Variants in KIF14 observed in about 807,000 individuals in gnomAD.
KIF14 encodes the protein kinesin family member 14, also known as kinesin-like protein KIF14.
Under a neutral mutation model 176.2 loss-of-function variants are expected in KIF14, and 98 were observed. The ratio of observed to expected loss-of-function variants is 0.56; its 90% CI spans 0.47 to 0.66. KIF14 has a LOEUF of 0.66. KIF14 is among the 30% of genes least tolerant of loss of function. The pLI, the probability that KIF14 is intolerant of heterozygous loss-of-function variation, is 0.00. For synonymous variants in KIF14, 566 were observed against 632.2 expected (o/e 0.90, Z 1.57); for missense variants, 1,751 against 1,920.4 (o/e 0.91, Z 1.65).
At chr1:200,604,532 A>G (rs763326556) in intron 8 of KIF14, among the ~76,000 whole-genome samples, 24 of 152,200 alleles carry the variant, frequency 1.6e-4, no homozygotes, top group Admixed American at 6.5e-5. Flanking sequence ...GGAAATAACA[A>G]TAAATAAAGA....
At chr1:200,561,068 T>G (rs1456000203) in intron 25 of KIF14, among the ~76,000 whole-genome samples, 188 bp from the exon 26 acceptor site, 1 of 151,512 alleles carries the variant, frequency 6.6e-6, no homozygotes, top group African/African-American at 2.4e-5. Flanking sequence ...CTATCTCTAC[T>G]AAAAATACAA....
chr1:200,557,974 G>C (rs150057255), intron 27 of KIF14, among the ~76,000 whole-genome samples: 63 of 152,282 alleles, frequency 4.1e-4, no homozygotes, highest in African/African-American at 1.4e-3. Flanking sequence ...TTGTTTGTTT[G>C]AGACAAGGTC....
intron 22 of KIF14, among the ~76,000 whole-genome samples, chr1:200,572,543 C>T (rs762711537): frequency 4.4e-4 from 67 of 152,094 alleles, no homozygotes; most frequent in Non-Finnish European, 7.4e-5. Flanking sequence ...CGGGGTTTCA[C>T]CGTGTTAGCC....
intron 22 of KIF14, among the ~76,000 whole-genome samples, chr1:200,571,673 A>G (rs1657796744): frequency 6.6e-6 from 1 of 152,250 alleles, no homozygotes; most frequent in Non-Finnish European, 1.5e-5. Flanking sequence ...TGTTTCAAAT[A>G]TAAAATTTCC....
chr1:200,614,631 T>A (rs768151374), intron 3 of KIF14, among the ~76,000 whole-genome samples: 1 of 151,872 alleles, frequency 6.6e-6, no homozygotes, highest in Non-Finnish European at 1.5e-5. Flanking sequence ...AATACAACTA[T>A]CTAATTCAGA....
intron 3 of KIF14, 45 bp from the exon 4 acceptor site, chr1:200,614,450 T>C (rs768888008): frequency 4.1e-5 from 48 of 1,171,522 alleles, no homozygotes; most frequent in Non-Finnish European, 5.8e-5. Context: ...ACTAATTCTT[T>C]CTTTAAAATT....
Position 200,617,848 on chromosome 1 carries a change from G to T in KIF14, c.876C>A (p.Ser292Arg). The T allele has an allele frequency of 6.2e-7, 1 of 1,614,186 alleles. No individual in the cohort carries two copies. Among genetic ancestry groups the T allele is most frequent in the Non-Finnish European group, 8.5e-7 (1 of 1,180,020 alleles). ...GAGCTGGGCTCTTAAGCTGAGGCAG[G>T]CTGCACTTTGTTGTCAGTTTGTGTT... ...TTEHKLTTKC[S>R]LPQLKSPAPS... is the part of the protein sequence containing the mutation. Residue 292 changes from serine to arginine, a missense_variant, in exon 2 of 30, where the codon AGC (serine) becomes AGA (arginine). Transcript: ENST00000367350.
At chr1:200,579,763 A>G (rs1658343007) in intron 21 of KIF14, among the ~76,000 whole-genome samples, 2 of 152,210 alleles carry the variant, frequency 1.3e-5, no homozygotes, top group Non-Finnish European at 1.5e-5. Context: ...TGACAAAATA[A>G]GATATTAAAA....
chr1:200,614,774 A>G (rs1443457471), intron 3 of KIF14, among the ~76,000 whole-genome samples: 1 of 129,838 alleles, frequency 7.7e-6, no homozygotes, highest in Non-Finnish European at 1.6e-5. Context: ...TTCGCTCTTC[A>G]CAACAAACCT....
chr1:200,571,933 T>C (rs932521556), intron 22 of KIF14, among the ~76,000 whole-genome samples: 4 of 152,222 alleles, frequency 2.6e-5, no homozygotes, highest in Non-Finnish European at 5.9e-5. Flanking sequence ...TTACTTTTAA[T>C]TGTCAACAGT....
chr1:200,591,672 G>A (rs1296605182), intron 16 of KIF14, among the ~76,000 whole-genome samples: 4 of 152,052 alleles, frequency 2.6e-5, no homozygotes, highest in Non-Finnish European at 2.9e-5. Context: ...TCGTCTATTG[G>A]GATTCTCCTC....
intron 27 of KIF14, 30 bp from the exon 28 acceptor site, chr1:200,555,484 A>C: frequency 3.9e-6 from 5 of 1,278,642 alleles, no homozygotes; most frequent in Non-Finnish European, 4.3e-6. Context: ...ATTTTATTAT[A>C]CTTTATTATT....
chr1:200,597,322 T>C (rs1659403015), intron 14 of KIF14, among the ~76,000 whole-genome samples: 1 of 152,050 alleles, frequency 6.6e-6, no homozygotes, highest in Non-Finnish European at 1.5e-5. Flanking sequence ...AAAAAGATAT[T>C]TATACCAAAA....
intron 19 of KIF14, among the ~76,000 whole-genome samples, chr1:200,583,940 T>TAA (rs112464901): frequency 1.5e-5 from 2 of 132,294 alleles, no homozygotes; most frequent in Non-Finnish European, 1.6e-5. Context: ...AAAAAGACTT[T>TAA]AAAAAAAAAA....
intron 9 of KIF14, 23 bp from the exon 10 acceptor site, chr1:200,603,364 T>G (rs770964835): frequency 4.0e-6 from 5 of 1,245,922 alleles, no homozygotes; most frequent in Non-Finnish European, 5.8e-6. Flanking sequence ...AAAAAAAAAT[T>G]TTTAACTTAA....
At chr1:200,571,189 T>A (rs11584015) in intron 22 of KIF14, among the ~76,000 whole-genome samples, 1 of 151,678 alleles carries the variant, frequency 6.6e-6, no homozygotes, top group Non-Finnish European at 1.5e-5. Context: ...GTGGCAGCTG[T>A]CTGTAGTCCC....
chr1:200,617,888 G>A lies in KIF14; in HGVS notation c.836C>T (p.Thr279Ile). Residue 279 changes from threonine (T) to isoleucine (I), a missense_variant, in exon 2 of 30, where the codon ACA (threonine) becomes ATA (isoleucine). By Grantham distance (89) the Thr-to-Ile change is moderately conservative. Coordinates refer to ENST00000367350, the MANE Select transcript of KIF14 (RefSeq NM_014875.3). The stretch of plus-strand genomic sequence containing the variant: ...CAGTTTGTGTTCTGTTGTACATTTT[G>A]TAGGTGTTCTTTTTTCTAAGCTCCC... The part of the protein sequence containing the change: ...KFGSLEKRTP[T>I]KCTTEHKLTT... The A allele has an allele frequency of 6.2e-7, 1 of 1,614,118 alleles. No individual in the cohort carries two copies. Among genetic ancestry groups the A allele is most frequent in the East Asian group, 2.2e-5 (1 of 44,884 alleles).
Position 200,580,318 on chromosome 1 carries a change from A to G in KIF14, c.3401T>C (p.Ile1134Thr), listed in dbSNP as rs1255033542. Reference sequence around the variant, plus strand: ...CTTTTCCAGACTCCAGAATGTTGAGATTCCTAGTTTCAGGTTACGAACCCG... The same window carrying G: ...CTTTTCCAGACTCCAGAATGTTGAGGTTCCTAGTTTCAGGTTACGAACCCG... ...SIRVRNLKLG[I>T]STFWSLEKFE... Residue 1134 changes from isoleucine to threonine, a missense_variant, in exon 21 of 30, where the codon ATC becomes ACC. By Grantham distance (89) the Ile-to-Thr change is moderately conservative (BLOSUM62 -1). Transcript: ENST00000367350. The G allele has an allele frequency of 6.5e-7, 1 of 1,531,818 alleles. No individual in the cohort carries two copies. The highest frequency in any genetic ancestry group is 8.8e-7 in the Non-Finnish European group (1 of 1,133,448). The allele number at this position is 1,531,818 out of a possible 1,614,324, so 94.9% of individuals were successfully genotyped here.
At chr1:200,580,132 A>G (rs1044082387) in intron 21 of KIF14, 122 bp downstream of exon 21, 2 of 457,676 alleles carry the variant, frequency 4.4e-6, no homozygotes, top group African/African-American at 2.0e-5. Context: ...TTATTTTCCA[A>G]ATTTTCTATA....
Sources: allele counts gnomAD v4.1 joint callset (sites outside exome capture counted in the v4.1 genomes callset), GRCh38; gene constraint gnomAD v4.1.1; transcripts MANE v1.5; gene names NCBI Gene and HGNC (gene_info 2026-07-23, HGNC 2026-07-21).